The following MRPL1 variants were observed in gnomAD, a reference collection of about 807,000 sequenced individuals.
The protein encoded by MRPL1 is mitochondrial ribosomal protein L1, also known as large ribosomal subunit protein uL1m.
MRPL1 carries 28 observed loss-of-function variants against 38.0 expected under a neutral mutation model. That is an observed-to-expected ratio of 0.74 (90% CI 0.55 to 1.01). The LOEUF is 1.01. Among genes scored for constraint, MRPL1 ranks in the 50% least tolerant of loss-of-function variants. The pLI is 0.00. For missense variants in MRPL1, 358 were observed against 389.8 expected (o/e 0.92, Z 0.69); for synonymous variants, 123 against 126.7 (o/e 0.97, Z 0.20).
At chr4:77,872,855 T>TC (rs764718972) in intron 2 of MRPL1, among the ~76,000 whole-genome samples, 2 of 151,884 alleles carry the variant, frequency 1.3e-5, no homozygotes, top group African/African-American at 2.4e-5. Flanking sequence ...AGAGTGAGAC[T>TC]CCATCTCAAA....
chr4:77,872,550 G>A (rs1578037474), intron 2 of MRPL1, among the ~76,000 whole-genome samples: 2 of 152,202 alleles, frequency 1.3e-5, no homozygotes, highest in East Asian at 3.9e-4. Flanking sequence ...TAGCCAACGT[G>A]GTGAAACCCC....
At chr4:77,908,064 T>C (rs1318846539) in intron 6 of MRPL1, among the ~76,000 whole-genome samples, 1 of 151,216 alleles carries the variant, frequency 6.6e-6, no homozygotes, top group East Asian at 2.0e-4. Context: ...TGCCCGACTA[T>C]AGAAACTCAT....
intron 6 of MRPL1, among the ~76,000 whole-genome samples, chr4:77,900,134 T>A (rs1056403500): frequency 6.6e-6 from 1 of 152,214 alleles, no homozygotes; most frequent in African/African-American, 2.4e-5. Flanking sequence ...TATCATTAGC[T>A]CCCTATCATT....
Position 77,909,359 on chromosome 4 carries a change from C to G in MRPL1, c.764C>G (p.Thr255Ser), listed in dbSNP as rs903488460. The G allele has an allele frequency of 4.5e-6, 7 of 1,570,060 alleles. No homozygotes were observed. The highest frequency in any genetic ancestry group is 5.2e-6 in the Non-Finnish European group (6 of 1,145,222). Residue 255 changes from threonine to serine, a missense_variant, in exon 7 of 9, where the codon ACC becomes AGC. Transcript: ENST00000315567. ...GAAGAAAGGGAGAACTTTCTCCAGA[C>G]CAAAATAGCAACAGTAAGTTACAAT... ...VDEERENFLQ[T>S]KIATLDMSSD...
At chr4:77,920,826 G>C (rs1256877098) in intron 7 of MRPL1, among the ~76,000 whole-genome samples, 1 of 151,980 alleles carries the variant, frequency 6.6e-6, no homozygotes, top group Non-Finnish European at 1.5e-5. Flanking sequence ...CAAGTGGCAC[G>C]AACTTGACTC....
chr4:77,879,127 C>T (rs1012322684), intron 2 of MRPL1, among the ~76,000 whole-genome samples: 2 of 152,144 alleles, frequency 1.3e-5, no homozygotes, highest in African/African-American at 4.8e-5. Flanking sequence ...CTGAGAATCA[C>T]AGTATTTAAG....
chr4:77,908,856 A>T (rs1189030706), intron 6 of MRPL1, among the ~76,000 whole-genome samples: 1 of 152,190 alleles, frequency 6.6e-6, no homozygotes, highest in Non-Finnish European at 1.5e-5. Context: ...CAGTTGGCAG[A>T]ATTCAGTTCC....
Position 77,952,545 on chromosome 4 carries a change from A to C in MRPL1, c.916A>C (p.Lys306Gln). 1 of 1,613,598 alleles carries C rather than the reference A, an allele frequency of 6.2e-7. No individual in the cohort carries two copies. Among genetic ancestry groups the C allele is most frequent in the Non-Finnish European group, 8.5e-7 (1 of 1,179,808 alleles). The stretch of plus-strand genomic sequence containing the variant: ...TTCAACAAGTGAAGGTTTATTACTG[A>C]AGATTGATCCATTGTTGCCTAAAGA... ...RSSTSEGLLL[K>Q]IDPLLPKEVK... Residue 306 changes from lysine (K) to glutamine (Q), a missense_variant, in exon 9 of 9, where the codon AAG becomes CAG. By Grantham distance (53) the Lys-to-Gln change is moderately conservative. Transcript: ENST00000315567.
chr4:77,883,167 T>C (rs776858661), intron 2 of MRPL1, 75 bp from the exon 3 acceptor site: 207 of 989,050 alleles, frequency 2.1e-4, no homozygotes, highest in Non-Finnish European at 2.8e-4. Context: ...TTTTCTCTTA[T>C]GTACACTGGC....
At chr4:77,863,461 A>ATTTTTTTTTTTTTTTTTT (rs969402527) in intron 1 of MRPL1, among the ~76,000 whole-genome samples, 7 of 112,664 alleles carry the variant, frequency 6.2e-5, no homozygotes, top group African/African-American at 1.9e-4. Flanking sequence ...TTGTGCAACA[A>ATTTTTTTTTTTTTTTTTT]TTTTTTTTTT....
At chr4:77,886,248 G>A (rs1735672784) in intron 4 of MRPL1, among the ~76,000 whole-genome samples, 1 of 151,960 alleles carries the variant, frequency 6.6e-6, no homozygotes, top group Non-Finnish European at 1.5e-5. Flanking sequence ...ACTCACTATA[G>A]CCTCGGACTC....
intron 6 of MRPL1, 131 bp from the exon 7 acceptor site, chr4:77,909,135 C>T (rs1159084979): frequency 6.0e-6 from 4 of 668,042 alleles, no homozygotes; most frequent in Non-Finnish European, 1.1e-5. Context: ...GGAAACAGAG[C>T]TCTTTGGAAC....
chr4:77,913,282 C>G (rs1736333188), intron 7 of MRPL1, among the ~76,000 whole-genome samples: 1 of 152,004 alleles, frequency 6.6e-6, no homozygotes, highest in Admixed American at 6.6e-5. Context: ...CTGATAAATT[C>G]AAAATATATA....
intron 7 of MRPL1, among the ~76,000 whole-genome samples, chr4:77,927,072 C>A (rs919478257): frequency 4.0e-5 from 6 of 151,626 alleles, no homozygotes; most frequent in African/African-American, 1.5e-4. Context: ...TTATACTTTT[C>A]CCTCCCTCCT....
chr4:77,913,664 G>A (rs974518571), intron 7 of MRPL1, among the ~76,000 whole-genome samples: 1 of 152,136 alleles, frequency 6.6e-6, no homozygotes, highest in Admixed American at 6.5e-5. Flanking sequence ...ATGAAAACAT[G>A]TGTCCATACA....
At chr4:77,894,633 T>C (rs1735874595) in intron 6 of MRPL1, among the ~76,000 whole-genome samples, 1 of 152,138 alleles carries the variant, frequency 6.6e-6, no homozygotes, top group Non-Finnish European at 1.5e-5. Flanking sequence ...ATGTTGACCA[T>C]ATGCATGGCT....
intron 2 of MRPL1, among the ~76,000 whole-genome samples, chr4:77,881,558 C>T (rs1735542640): frequency 6.6e-6 from 1 of 150,666 alleles, no homozygotes; most frequent in Admixed American, 6.6e-5. Context: ...CCTTCCAAAT[C>T]AGCCTCCTAA....
At position 77,937,231 on chromosome 4, in the gene MRPL1, C is replaced by T. The variant is rs79852903; in HGVS notation, c.778-12566C>T. On this transcript the variant is annotated intron_variant, in intron 7 of 8. Coordinates refer to ENST00000315567, the MANE Select transcript of MRPL1 (RefSeq NM_020236.4). The stretch of plus-strand genomic sequence containing the variant: ...CTACTTCCCTTCTGCGTTAGACGCA[C>T]GCATACTAGACAGATCTCATAGTTC... Among the ~76,000 whole-genome samples, 171 of 152,254 alleles carry T rather than the reference C, an allele frequency of 1.1e-3. 1 individual carries two copies. Among genetic ancestry groups the T allele is most frequent in the African/African-American group, 4.1e-3 (169 of 41,536 alleles).
chr4:77,902,510 AAAT>A (rs1383949185), intron 6 of MRPL1, among the ~76,000 whole-genome samples: 1 of 152,188 alleles, frequency 6.6e-6, no homozygotes, highest in African/African-American at 2.4e-5. Flanking sequence ...AAGGAAGAAA[AAAT>A]AATAAAGAAC....
Sources: gnomAD v4.1 joint callset for allele counts (sites outside exome capture counted in the v4.1 genomes callset) on GRCh38, gnomAD v4.1.1 for gene constraint, MANE v1.5 for transcripts, NCBI Gene and HGNC (gene_info 2026-07-23, HGNC 2026-07-21) for gene names.